The following SATB2 variants were observed in gnomAD, a reference collection of about 807,000 sequenced individuals.
The protein encoded by SATB2 is SATB homeobox 2.
SATB2 carries 1 observed loss-of-function variant against 73.4 expected under a neutral mutation model. The observed-to-expected ratio is 0.01, with a 90% CI of 0.00 to 0.06. The LOEUF is 0.06. Ranked by LOEUF, SATB2 falls within the 10% of genes least tolerant of loss-of-function variation. The pLI is 1.00. For synonymous variants in SATB2, 397 were observed against 367.0 expected, an observed-to-expected ratio of 1.08 and a Z score of -0.93; for missense variants, 459 against 945.8, an observed-to-expected ratio of 0.49 and a Z score of 6.75.
At chr2:199,370,501 G>C (rs981667319) in intron 5 of SATB2, among the ~76,000 whole-genome samples, 1 of 152,266 alleles carries the variant, frequency 6.6e-6, no homozygotes, top group African/African-American at 2.4e-5. Context: ...GAAAGGCACA[G>C]GATACACAGC....
chr2:199,386,297 A>G (rs1689930255), intron 3 of SATB2, among the ~76,000 whole-genome samples: 1 of 152,182 alleles, frequency 6.6e-6, no homozygotes, highest in East Asian at 1.9e-4. Flanking sequence ...ATTTTGGAAC[A>G]TTTCAGATTT....
intron 5 of SATB2, among the ~76,000 whole-genome samples, chr2:199,377,533 A>G (rs773698032): frequency 6.6e-6 from 1 of 152,202 alleles, no homozygotes. Flanking sequence ...AGATATTTTG[A>G]GCAATGGTAA....
At chr2:199,296,417 G>A (rs1301457868) in intron 10 of SATB2, among the ~76,000 whole-genome samples, 1 of 152,118 alleles carries the variant, frequency 6.6e-6, no homozygotes, top group East Asian at 1.9e-4. Flanking sequence ...GAGTCCAGGC[G>A]CAGTGGCTCA....
intron 3 of SATB2, among the ~76,000 whole-genome samples, chr2:199,384,582 T>C (rs1689873585): frequency 6.6e-6 from 1 of 152,188 alleles, no homozygotes; most frequent in Admixed American, 6.5e-5. Context: ...AAAATATTAC[T>C]TGGAATAGTA....
Position 199,269,744 on chromosome 2 carries a change from A to C in SATB2, c.*2467T>G, listed in dbSNP as rs1692098064. 6.6e-6 allele frequency: 1 copy of C among 152,442 alleles called. No homozygotes were observed. Among genetic ancestry groups the C allele is most frequent in the Admixed American group, 6.6e-5 (1 of 15,226 alleles). The allele number at this position is 152,442 out of a possible 1,614,324, so 9.4% of individuals were successfully genotyped here. A position where few individuals can be genotyped will look rare whatever the true frequency, so the allele number is the denominator to read the frequency against. ...ATTGTGCTTTGTCAAGAGGCACTAC[A>C]AGAGAAAGTTTCTTCTTCCAAATAG... On this transcript the variant is annotated 3_prime_UTR_variant, in exon 11 of 11. Coordinates refer to ENST00000417098, the MANE Select transcript of SATB2 (RefSeq NM_001172509.2).
chr2:199,276,130 A>G (rs1692306237), intron 10 of SATB2, among the ~76,000 whole-genome samples: 1 of 152,198 alleles, frequency 6.6e-6, no homozygotes, highest in African/African-American at 2.4e-5. Context: ...TTCTAGTGGT[A>G]TACGTACTCT....
intron 10 of SATB2, among the ~76,000 whole-genome samples, chr2:199,294,703 A>G (rs550003741): frequency 2.1e-4 from 32 of 152,324 alleles, no homozygotes; most frequent in African/African-American, 7.2e-4. Context: ...ATTGTCAAAA[A>G]AACATGAAAT....
At chr2:199,416,800 G>A (rs1357711811) in intron 3 of SATB2, among the ~76,000 whole-genome samples, 1 of 152,130 alleles carries the variant, frequency 6.6e-6, no homozygotes, top group Non-Finnish European at 1.5e-5. Context: ...ACTTTGGGAG[G>A]CTGAAGCAGG....
chr2:199,366,262 A>T (rs1689279680), intron 6 of SATB2, among the ~76,000 whole-genome samples: 1 of 152,074 alleles, frequency 6.6e-6, no homozygotes. Context: ...TGGTTTCCAA[A>T]TTTGGAATTC....
At chr2:199,383,840 T>G (rs1429273354) in intron 3 of SATB2, among the ~76,000 whole-genome samples, 1 of 152,220 alleles carries the variant, frequency 6.6e-6, no homozygotes, top group Non-Finnish European at 1.5e-5. Context: ...TATATCTGTA[T>G]GATTTCATTT....
intron 7 of SATB2, among the ~76,000 whole-genome samples, chr2:199,335,582 C>T (rs1031154210): frequency 6.6e-6 from 1 of 152,100 alleles, no homozygotes; most frequent in Non-Finnish European, 1.5e-5. Context: ...ACTTAGCGGC[C>T]AGTTGGTAAT....
chr2:199,424,225 T>C (rs1574616110), intron 3 of SATB2, among the ~76,000 whole-genome samples: 1 of 152,208 alleles, frequency 6.6e-6, no homozygotes, highest in Admixed American at 6.5e-5. Flanking sequence ...CTCTCAAAGC[T>C]GCCATCAAAA....
intron 8 of SATB2, among the ~76,000 whole-genome samples, chr2:199,327,023 C>T (rs1057264419): frequency 2.3e-4 from 35 of 152,296 alleles, no homozygotes; most frequent in African/African-American, 8.4e-4. Flanking sequence ...TACTAGGATA[C>T]AATTCTGCTT....
intron 2 of SATB2, among the ~76,000 whole-genome samples, chr2:199,450,284 C>T (rs1692086143): frequency 1.3e-5 from 2 of 152,036 alleles, no homozygotes; most frequent in African/African-American, 4.8e-5. Context: ...TTGTCATTTC[C>T]CACTTGTCAC....
At chr2:199,448,839 T>TA (rs1184617813) in intron 2 of SATB2, among the ~76,000 whole-genome samples, 1 of 152,142 alleles carries the variant, frequency 6.6e-6, no homozygotes, top group Non-Finnish European at 1.5e-5. Context: ...TAACCAACTG[T>TA]ACTACGATAG....
At chr2:199,349,263 G>A in intron 6 of SATB2, 90 bp from the exon 7 acceptor site, 2 of 1,036,576 alleles carry the variant, frequency 1.9e-6, no homozygotes, top group Non-Finnish European at 1.5e-6. Flanking sequence ...CATACTTTTG[G>A]CATGTTAATA....
intron 2 of SATB2, among the ~76,000 whole-genome samples, chr2:199,446,149 A>G (rs1426267239): frequency 1.3e-5 from 2 of 152,184 alleles, no homozygotes; most frequent in African/African-American, 4.8e-5. Flanking sequence ...AACTTAAAAC[A>G]TGTTTGTCTC....
chr2:199,289,063 T>C (rs1404241135), intron 10 of SATB2, among the ~76,000 whole-genome samples: 1 of 152,120 alleles, frequency 6.6e-6, no homozygotes, highest in African/African-American at 2.4e-5. Context: ...TATGGAAAAA[T>C]TAAATATGTG....
At chr2:199,280,816 C>A (rs969567835) in intron 10 of SATB2, among the ~76,000 whole-genome samples, 1 of 152,186 alleles carries the variant, frequency 6.6e-6, no homozygotes, top group Non-Finnish European at 1.5e-5. Flanking sequence ...CGCCCCTGTC[C>A]TGTGGTCCTG....
Sources: allele counts gnomAD v4.1 joint callset (sites outside exome capture counted in the v4.1 genomes callset), GRCh38; gene constraint gnomAD v4.1.1; transcripts MANE v1.5; gene names NCBI Gene and HGNC (gene_info 2026-07-23, HGNC 2026-07-21).